PAK5: variants seen among roughly 807,000 people sequenced by gnomAD.
The protein encoded by PAK5 is p21 (RAC1) activated kinase 5, also known as serine/threonine-protein kinase PAK 5.
In PAK5, 16 loss-of-function variants were observed where a neutral mutation model predicts 65.9. The observed-to-expected ratio is 0.24, with a 90% CI of 0.16 to 0.37. The LOEUF (loss-of-function observed/expected upper bound fraction) is 0.37, where lower values mean the gene tolerates loss of function less well. Ranked by LOEUF, PAK5 falls within the 10% of genes least tolerant of loss-of-function variation. PAK5 has a pLI of 1.00. For synonymous variants in PAK5, 371 were observed against 354.9 expected (o/e 1.05, Z -0.51); for missense variants, 785 against 903.9 (o/e 0.87, Z 1.69).
At chr20:9,721,168 A>G (rs2048208385) in intron 1 of PAK5, among the ~76,000 whole-genome samples, 1 of 152,154 alleles carries the variant, frequency 6.6e-6, no homozygotes, top group Non-Finnish European at 1.5e-5. Flanking sequence ...TCTTCTGGAG[A>G]CTGCCAAAGA....
intron 2 of PAK5, among the ~76,000 whole-genome samples, chr20:9,649,275 T>C (rs62194560): frequency 0.2 from 30,581 of 152,158 alleles, 3,201 homozygotes; most frequent in South Asian, 0.38. Context: ...TTGTGGGACA[T>C]TTCAAGGTCT....
intron 6 of PAK5, among the ~76,000 whole-genome samples, chr20:9,559,186 C>T (rs1026479649): frequency 3.3e-5 from 5 of 152,094 alleles, no homozygotes; most frequent in African/African-American, 9.7e-5. Flanking sequence ...AACTTCTTCC[C>T]TATCCCATGT....
chr20:9,716,398 C>G (rs1022868012), intron 1 of PAK5, among the ~76,000 whole-genome samples: 1 of 152,116 alleles, frequency 6.6e-6, no homozygotes, highest in African/African-American at 2.4e-5. Flanking sequence ...TCATGGAATA[C>G]AGTTTTAAAA....
At chr20:9,601,477 T>C (rs6133729) in intron 3 of PAK5, among the ~76,000 whole-genome samples, 37,685 of 152,124 alleles carry the variant, frequency 0.25, 5,431 homozygotes, top group East Asian at 0.5. Context: ...CTTATATTAT[T>C]ATTACACCTC....
intron 1 of PAK5, among the ~76,000 whole-genome samples, chr20:9,756,448 T>G (rs1475308531): frequency 6.6e-6 from 1 of 152,126 alleles, no homozygotes; most frequent in African/African-American, 2.4e-5. Context: ...ACAACTGCAC[T>G]GTTTGATACA....
At chr20:9,773,889 A>G (rs1488052180) in intron 1 of PAK5, among the ~76,000 whole-genome samples, 1 of 152,230 alleles carries the variant, frequency 6.6e-6, no homozygotes, top group Non-Finnish European at 1.5e-5. Flanking sequence ...GTGCTCAGGC[A>G]GTCTGAGTCC....
chr20:9,695,417 A>G (rs902938989), intron 2 of PAK5, among the ~76,000 whole-genome samples: 2 of 152,022 alleles, frequency 1.3e-5, no homozygotes, highest in Non-Finnish European at 1.5e-5. Flanking sequence ...GTCCTATTGA[A>G]AAAGTCTTTG....
Position 9,669,994 on chromosome 20 carries a change from T to C in PAK5, c.-11-25655A>G, listed in dbSNP as rs528860473. On this transcript the variant is annotated intron_variant, in intron 2 of 9. Coordinates refer to ENST00000353224, the MANE Select transcript of PAK5 (RefSeq NM_177990.4). ...TGTATGTCCATGTGTTTTCATCAATTCCCACCTATGAGTGAGAACATGCGG... is the reference window on the plus strand; with the variant it reads ...TGTATGTCCATGTGTTTTCATCAATCCCCACCTATGAGTGAGAACATGCGG... Among the ~76,000 whole-genome samples, 7 of 151,252 alleles carry C rather than the reference T, an allele frequency of 4.6e-5. No homozygotes were observed. The South Asian group carries it at 1.5e-3, about 32-fold the overall frequency.
chr20:9,765,654 C>T (rs2048748756), intron 1 of PAK5, among the ~76,000 whole-genome samples: 1 of 152,064 alleles, frequency 6.6e-6, no homozygotes, highest in Admixed American at 6.6e-5. Flanking sequence ...TCCCATCAAG[C>T]CGCCCTCTCC....
chr20:9,559,983 A>G (rs1215877759), intron 6 of PAK5, among the ~76,000 whole-genome samples: 1 of 152,244 alleles, frequency 6.6e-6, no homozygotes, highest in African/African-American at 2.4e-5. Context: ...GGACAAGCTC[A>G]CATATACCTT....
intron 1 of PAK5, among the ~76,000 whole-genome samples, chr20:9,825,776 G>A (rs774000779): frequency 6.6e-5 from 10 of 151,978 alleles, no homozygotes; most frequent in Non-Finnish European, 1.3e-4. Flanking sequence ...TTTTTAAAAT[G>A]CATCTTTCTA....
intron 2 of PAK5, among the ~76,000 whole-genome samples, chr20:9,660,331 A>G (rs1449843505): frequency 6.6e-6 from 1 of 151,122 alleles, no homozygotes; most frequent in African/African-American, 2.4e-5. Context: ...AGATTATTTT[A>G]ATTTTCTCTC....
At chr20:9,608,802 G>A (rs2046503203) in intron 3 of PAK5, among the ~76,000 whole-genome samples, 1 of 152,186 alleles carries the variant, frequency 6.6e-6, no homozygotes, top group Non-Finnish European at 1.5e-5. Flanking sequence ...CACTTCTACT[G>A]TGTTCTATTA....
intron 3 of PAK5, among the ~76,000 whole-genome samples, chr20:9,638,983 A>G (rs1268585037): frequency 6.6e-6 from 1 of 152,182 alleles, no homozygotes; most frequent in African/African-American, 2.4e-5. Context: ...GGACACTTTG[A>G]CCAAACCAAC....
chr20:9,612,144 C>A (rs1039005016), intron 3 of PAK5, among the ~76,000 whole-genome samples: 1 of 152,124 alleles, frequency 6.6e-6, no homozygotes, highest in Admixed American at 6.5e-5. Flanking sequence ...GACAGCAGAC[C>A]CCCAAATCTA....
rs2046246021 is a variant in PAK5, at chr20:9,595,425, G to GAACAGCAC, written c.205-14503_205-14496dup. The stretch of plus-strand genomic sequence containing the variant: ...ATTGATTCCCTCAATGATACTAACA[G>GAACAGCAC]AACAGCACAAACCCTTGTACCAACA... On this transcript the variant is annotated intron_variant, in intron 3 of 9. Coordinates refer to ENST00000353224, the MANE Select transcript of PAK5 (RefSeq NM_177990.4). 3.3e-5 allele frequency among the ~76,000 whole-genome samples: 5 copies of GAACAGCAC among 152,230 alleles called. 1 individual carries two copies. The South Asian group carries it at 1.0e-3, about 32-fold the overall frequency.
chr20:9,549,602 G>T (rs138580854), intron 7 of PAK5, among the ~76,000 whole-genome samples: 1 of 152,100 alleles, frequency 6.6e-6, no homozygotes, highest in Non-Finnish European at 1.5e-5. Flanking sequence ...GCCATACCCC[G>T]TGTGAAAGGA....
intron 1 of PAK5, among the ~76,000 whole-genome samples, chr20:9,721,209 C>T (rs561658037): frequency 6.6e-6 from 1 of 152,082 alleles, no homozygotes; most frequent in Non-Finnish European, 1.5e-5. Flanking sequence ...AAGGATTAAA[C>T]CCTGGATATA....
At chr20:9,700,091 T>G (rs540582997) in intron 2 of PAK5, among the ~76,000 whole-genome samples, 1 of 152,278 alleles carries the variant, frequency 6.6e-6, no homozygotes, top group Non-Finnish European at 1.5e-5. Context: ...AACATGTCTG[T>G]GATTCATCCA....
Sources: allele counts gnomAD v4.1 joint callset (sites outside exome capture counted in the v4.1 genomes callset), GRCh38; gene constraint gnomAD v4.1.1; transcripts MANE v1.5; gene names NCBI Gene and HGNC (gene_info 2026-07-23, HGNC 2026-07-21).